Variants in ARHGAP8 observed in about 807,000 individuals in gnomAD.
The protein encoded by ARHGAP8 is rho GTPase-activating protein 8.
In ARHGAP8, 62 loss-of-function variants were observed where a neutral mutation model predicts 46.1. That is an observed-to-expected ratio of 1.34 (90% CI 1.10 to 1.66). ARHGAP8 has a LOEUF of 1.66. ARHGAP8 is among the 40% of genes most tolerant of loss of function. The pLI is 0.00. For missense variants in ARHGAP8, 923 were observed against 568.4 expected (o/e 1.62, Z -6.34); for synonymous variants, 375 against 243.1 (o/e 1.54, Z -5.05).
In ARHGAP8 at chr22:44,861,211, A is replaced by G. The variant is rs537674463; in HGVS notation, c.982-1064A>G. 1.1e-3 allele frequency among the ~76,000 whole-genome samples: 164 copies of G among 152,118 alleles called. 1 individual carries two copies. The highest frequency in any genetic ancestry group is 2.0e-3 in the Admixed American group (31 of 15,284). On this transcript the variant is annotated intron_variant, in intron 11 of 11. Coordinates refer to ENST00000356099, the MANE Select transcript of ARHGAP8 (RefSeq NM_181335.3). ...GATCTTGAACTCCTGACCTCAGGTG[A>G]TCCACCTGCCTCGGCCTCTTAAGAG...
Position 44,767,699 on chromosome 22 carries a change from C to T in ARHGAP8, c.-72+15072C>T, listed in dbSNP as rs1022059221. ...CCCAGCCTGGCCAACATCGTGAAAC[C>T]GCGTTTTTACTAAAAATAAAAAAAT... is the stretch of plus-strand genomic sequence containing the variant. On this transcript the variant is annotated intron_variant, in intron 1 of 11. Coordinates refer to ENST00000356099, the MANE Select transcript of ARHGAP8 (RefSeq NM_181335.3). Among the ~76,000 whole-genome samples the T allele has an allele frequency of 5.3e-5, 8 of 151,476 alleles. No individual in the cohort carries two copies. The South Asian group carries it at 1.0e-3, about 20-fold the overall frequency.
rs1314922856 is a variant in ARHGAP8 at position 44,762,529 on chromosome 22, AAC to A, written c.-72+9903_-72+9904del. Reference sequence around the variant, plus strand: ...AGAGCATCTTTTGTTACTCATTATGAACTCTCTCTCTCTCTTTTTTTTTTTTT... The same window carrying A: ...AGAGCATCTTTTGTTACTCATTATGATCTCTCTCTCTCTTTTTTTTTTTTT... On this transcript the variant is annotated intron_variant, in intron 1 of 11. Coordinates refer to ENST00000356099, the MANE Select transcript of ARHGAP8 (RefSeq NM_181335.3). Among the ~76,000 whole-genome samples, 20 of 143,682 alleles carry A rather than the reference AAC, an allele frequency of 1.4e-4. 1 individual carries two copies. The highest frequency in any genetic ancestry group is 1.1e-3 in the Admixed American group (15 of 13,840). 94.3% of individuals were successfully genotyped at this position (143,682 alleles called of 152,430 possible). A position where few individuals can be genotyped will look rare whatever the true frequency, so the allele number is the denominator to read the frequency against.
At chr22:44,797,500 A>C (rs1928177162) in intron 2 of ARHGAP8, among the ~76,000 whole-genome samples, 2 of 152,212 alleles carry the variant, frequency 1.3e-5, no homozygotes, top group African/African-American at 2.4e-5. Context: ...AGGGAAGCAA[A>C]TAAAAGTGTG....
Position 44,814,684 on chromosome 22 carries a change from C to T in ARHGAP8, c.312C>T (p.Asn104=). 2 of 1,613,936 alleles carry T rather than the reference C, an allele frequency of 1.2e-6. No individual in the cohort carries two copies. The highest frequency in any genetic ancestry group is 1.1e-5 in the South Asian group (1 of 91,062). The part of the protein sequence containing the change: ...YKEFDRKYKK[N]LKALYVVHPT... ...TTTCCCTCCTCAGGTACAAGAAGAACTTGAAGGCCCTCTACGTGGTGCACC... is the reference window on the plus strand; with the variant it reads ...TTTCCCTCCTCAGGTACAAGAAGAATTTGAAGGCCCTCTACGTGGTGCACC... Residue 104 remains asparagine (N), a synonymous_variant, in exon 5 of 12, where the codon AAC becomes AAT. Coordinates refer to ENST00000356099, the MANE Select transcript of ARHGAP8 (RefSeq NM_181335.3).
chr22:44,848,849 C>A (rs956915086), intron 9 of ARHGAP8, 83 bp from the exon 10 acceptor site: 3 of 1,586,950 alleles, frequency 1.9e-6, no homozygotes, highest in Non-Finnish European at 2.6e-6. Flanking sequence ...GGACATCTCA[C>A]GCCCTGTGTC....
chr22:44,846,430 G>A (rs996254609), intron 8 of ARHGAP8, among the ~76,000 whole-genome samples: 3 of 152,240 alleles, frequency 2.0e-5, no homozygotes, highest in Non-Finnish European at 4.4e-5. Context: ...CATGCACATG[G>A]GGGTGGCATC....
chr22:44,862,297 A>G lies in ARHGAP8; in HGVS notation c.1004A>G (p.Asn335Ser). The G allele has an allele frequency of 1.3e-6, 2 of 1,597,680 alleles. No homozygotes were observed. Among genetic ancestry groups the G allele is most frequent in the East Asian group, 4.5e-5 (2 of 44,412 alleles). Residue 335 changes from asparagine (N) to serine (S), a missense_variant, in exon 12 of 12, where the codon AAC (asparagine) becomes AGC (serine). By Grantham distance (46) the Asn-to-Ser change is conservative. Coordinates refer to ENST00000356099, the MANE Select transcript of ARHGAP8 (RefSeq NM_181335.3). ...LHAVSRESIFNKMNSSNLACV... is the reference protein window; with the variant it reads ...LHAVSRESIFSKMNSSNLACV... The stretch of plus-strand genomic sequence containing the variant: ...CAGGTGTCCCGGGAGAGCATCTTCA[A>G]CAAAATGAACAGCTCTAACCTGGCC...
chr22:44,814,816 C>T (rs1427719990), intron 5 of ARHGAP8, 58 bp downstream of exon 5: 1 of 1,586,182 alleles, frequency 6.3e-7, no homozygotes, highest in Non-Finnish European at 8.6e-7. Flanking sequence ...CCCTCAGGGT[C>T]CATGGGACGG....
chr22:44,849,065 G>T lies in ARHGAP8; in HGVS notation c.877+5G>T. The T allele has an allele frequency of 6.2e-7, 1 of 1,613,692 alleles. No individual in the cohort carries two copies. Among genetic ancestry groups the T allele is most frequent in the Middle Eastern group, 1.6e-4 (1 of 6,062 alleles). Reference sequence around the variant, plus strand: ...AGCAGATTCTCGGGATCACCTGTGCGTAGCTGCCCTGGCGCAGGGGTGGGG... The same window carrying T: ...AGCAGATTCTCGGGATCACCTGTGCTTAGCTGCCCTGGCGCAGGGGTGGGG... On this transcript the variant is annotated splice_donor_5th_base_variant and intron_variant, in intron 10 of 11. Transcript: ENST00000356099.
chr22:44,799,996 T>TC (rs1928367719), intron 2 of ARHGAP8, among the ~76,000 whole-genome samples: 1 of 98,306 alleles, frequency 1.0e-5, no homozygotes, highest in Non-Finnish European at 2.1e-5. Flanking sequence ...CAAGGTGGGG[T>TC]TGGGGCTGGG....
chr22:44,834,263 G>T (rs186505424), intron 7 of ARHGAP8, among the ~76,000 whole-genome samples: 83 of 152,120 alleles, frequency 5.5e-4, no homozygotes, highest in African/African-American at 1.8e-3. Flanking sequence ...TTTTTGCAAT[G>T]TAAGCATCTA....
chr22:44,790,942 A>G lies in ARHGAP8; in HGVS notation c.79+4336A>G, dbSNP rs11912923. On this transcript the variant is annotated intron_variant, in intron 2 of 11. Coordinates refer to ENST00000356099, the MANE Select transcript of ARHGAP8 (RefSeq NM_181335.3). ...GAGACAGGGTTTCACCGTGTTGCCC[A>G]GGCTGGTCTCAAACTCCTGAGCTCA... is the stretch of plus-strand genomic sequence containing the variant. Among the ~76,000 whole-genome samples the G allele has an allele frequency of 2.2e-3, 331 of 152,060 alleles. 1 individual carries two copies. The highest frequency in any genetic ancestry group is 7.1e-3 in the African/African-American group (294 of 41,518).
chr22:44,794,329 C>T (rs1602184793), intron 2 of ARHGAP8, among the ~76,000 whole-genome samples: 1 of 152,196 alleles, frequency 6.6e-6, no homozygotes. Context: ...AGGCGCCAGC[C>T]CAGCTCAGCC....
At chr22:44,815,631 G>T (rs1929683754) in intron 5 of ARHGAP8, among the ~76,000 whole-genome samples, 2 of 149,862 alleles carry the variant, frequency 1.3e-5, no homozygotes, top group Admixed American at 1.3e-4. Context: ...GCGGCCTAAA[G>T]AAAGGCAGCC....
At chr22:44,816,803 CAAAAAAA>C (rs1183457228) in intron 5 of ARHGAP8, among the ~76,000 whole-genome samples, 8 of 66,242 alleles carry the variant, frequency 1.2e-4, no homozygotes, top group Non-Finnish European at 1.8e-4. Context: ...GACCCTGTCT[CAAAAAAA>C]AAAAAAAAAA....
rs73176189 is a variant in ARHGAP8, at chr22:44,859,808, C to T, written c.955C>T (p.Arg319Cys). The T allele has an allele frequency of 2.5e-3, 4,050 of 1,614,028 alleles. 14 individuals carry two copies. Among genetic ancestry groups the T allele is most frequent in the South Asian group, 3.7e-3 (334 of 91,080 alleles). The change falls in exon 11 of 12, where the codon CGC becomes TGC. Residue 319 changes from arginine to cysteine, a missense_variant. Arg to Cys is a radical substitution (Grantham distance 180). Coordinates refer to ENST00000356099, the MANE Select transcript of ARHGAP8 (RefSeq NM_181335.3). ...SLPEHNYVVL[R>C]YLMGFLHAVS... Reference sequence around the variant, plus strand: ...CCCAGAGCACAACTACGTCGTCCTCCGCTACCTCATGGGCTTCCTGCATGC... The same window carrying T: ...CCCAGAGCACAACTACGTCGTCCTCTGCTACCTCATGGGCTTCCTGCATGC...
chr22:44,759,441 C>G (rs1924949275), intron 1 of ARHGAP8, among the ~76,000 whole-genome samples: 1 of 152,226 alleles, frequency 6.6e-6, no homozygotes, highest in Non-Finnish European at 1.5e-5. Flanking sequence ...AAACACAACT[C>G]TGAACCGGCC....
intron 11 of ARHGAP8, among the ~76,000 whole-genome samples, chr22:44,860,104 T>C (rs1444650207): frequency 6.6e-6 from 1 of 152,170 alleles, no homozygotes; most frequent in Admixed American, 6.5e-5. Flanking sequence ...ACTTTTGTTA[T>C]TGGGGTCCTC....
chr22:44,861,228 T>G (rs762590846), intron 11 of ARHGAP8, among the ~76,000 whole-genome samples: 1 of 152,142 alleles, frequency 6.6e-6, no homozygotes, highest in Non-Finnish European at 1.5e-5. Flanking sequence ...TGCCTCGGCC[T>G]CTTAAGAGTG....
Sources: gnomAD v4.1 joint callset for allele counts (sites outside exome capture counted in the v4.1 genomes callset) on GRCh38, gnomAD v4.1.1 for gene constraint, MANE v1.5 for transcripts, NCBI Gene and HGNC (gene_info 2026-07-23, HGNC 2026-07-21) for gene names.